The following TPP2 variants were observed in gnomAD, a reference collection of about 807,000 sequenced individuals.
The protein encoded by TPP2 is tripeptidyl peptidase 2, also known as tripeptidyl-peptidase 2.
Under a neutral mutation model 155.9 loss-of-function variants are expected in TPP2, and 34 were observed. The ratio of observed to expected loss-of-function variants is 0.22; its 90% CI spans 0.17 to 0.29. TPP2 has a LOEUF of 0.29. Ranked by LOEUF, TPP2 falls within the 10% of genes least tolerant of loss-of-function variation. TPP2 has a pLI of 1.00. For synonymous variants in TPP2, 510 were observed against 529.4 expected, an observed-to-expected ratio of 0.96 and a Z score of 0.50; for missense variants, 1,028 against 1,522.3, an observed-to-expected ratio of 0.68 and a Z score of 5.40.
At chr13:102,651,421 A>C (rs1184470685) in intron 24 of TPP2, 24 bp downstream of exon 24, 2 of 1,563,920 alleles carry the variant, frequency 1.3e-6, no homozygotes, top group South Asian at 2.4e-5. Context: ...GTTCTTAAAA[A>C]AGATGTCTTA....
intron 3 of TPP2, 143 bp from the exon 4 acceptor site, chr13:102,616,253 G>T: frequency 1.7e-6 from 1 of 575,432 alleles, no homozygotes; most frequent in Middle Eastern, 4.8e-4. Flanking sequence ...CACCACACCC[G>T]GCCAAAAATG....
At chr13:102,619,290 T>C (rs1880977596) in intron 5 of TPP2, among the ~76,000 whole-genome samples, 1 of 152,118 alleles carries the variant, frequency 6.6e-6, no homozygotes, top group Non-Finnish European at 1.5e-5. Context: ...ATCATGTACG[T>C]TTTTTAGTTT....
Position 102,657,053 on chromosome 13 carries a change from T to C in TPP2, c.2992-3T>C, listed in dbSNP as rs1883905247. On this transcript the variant is annotated splice_region_variant and splice_polypyrimidine_tract_variant and intron_variant, in intron 24 of 29. Coordinates refer to ENST00000376052, the MANE Select transcript of TPP2 (RefSeq NM_001330588.2). ...ATCTAAGAATCTCTCTCCACATTCG[T>C]AGGATGTAATCCCTGTTCATTACTA... 2.5e-6 allele frequency: 4 copies of C among 1,582,976 alleles called. No individual in the cohort carries two copies. The highest frequency in any genetic ancestry group is 3.4e-6 in the Non-Finnish European group (4 of 1,170,898).
intron 2 of TPP2, 26 bp downstream of exon 2, chr13:102,604,947 A>ATT: frequency 1.1e-5 from 14 of 1,329,852 alleles, no homozygotes; most frequent in Admixed American, 2.1e-5. Flanking sequence ...TTCTTTTTGA[A>ATT]TTTTTTTTTT....
At chr13:102,600,341 G>T (rs1319721083) in intron 1 of TPP2, among the ~76,000 whole-genome samples, 2 of 152,104 alleles carry the variant, frequency 1.3e-5, no homozygotes, top group African/African-American at 4.8e-5. Flanking sequence ...ATCCAGTCGG[G>T]TCTTGACACC....
chr13:102,675,747 T>C (rs904276552), intron 28 of TPP2, among the ~76,000 whole-genome samples: 7 of 152,194 alleles, frequency 4.6e-5, no homozygotes, highest in African/African-American at 1.2e-4. Flanking sequence ...ATGGCAACAA[T>C]TGTTAAATAC....
chr13:102,607,329 T>G (rs769844810), intron 2 of TPP2, among the ~76,000 whole-genome samples: 2 of 152,148 alleles, frequency 1.3e-5, no homozygotes, highest in Non-Finnish European at 2.9e-5. Context: ...TGCTCCAAAA[T>G]CCAGAACTTT....
intron 24 of TPP2, among the ~76,000 whole-genome samples, chr13:102,656,519 C>A (rs755083255): frequency 3.9e-5 from 6 of 152,202 alleles, no homozygotes; most frequent in Non-Finnish European, 8.8e-5. Flanking sequence ...GTCATTCTAT[C>A]CTTTTCTGTT....
intron 3 of TPP2, among the ~76,000 whole-genome samples, chr13:102,614,562 C>A (rs143364416): frequency 6.6e-6 from 1 of 152,136 alleles, no homozygotes; most frequent in Admixed American, 6.5e-5. Context: ...ACCACCTTTT[C>A]GTTTCTGTTC....
intron 27 of TPP2, among the ~76,000 whole-genome samples, chr13:102,667,383 A>C (rs1310888255): frequency 6.6e-6 from 1 of 152,208 alleles, no homozygotes; most frequent in Non-Finnish European, 1.5e-5. Flanking sequence ...ACTTCATGTA[A>C]GGCATCACTG....
intron 25 of TPP2, among the ~76,000 whole-genome samples, chr13:102,662,357 C>G (rs1177440260): frequency 1.3e-5 from 2 of 152,052 alleles, no homozygotes; most frequent in Non-Finnish European, 2.9e-5. Flanking sequence ...ATATCTGTTA[C>G]TATGCTAGAA....
chr13:102,644,469 CAG>C, intron 17 of TPP2, 86 bp from the exon 18 acceptor site: 2 of 1,159,028 alleles, frequency 1.7e-6, no homozygotes, highest in East Asian at 5.3e-5. Flanking sequence ...AGTTTGAAAA[CAG>C]AATTGCTCTG....
intron 24 of TPP2, among the ~76,000 whole-genome samples, chr13:102,654,763 A>T (rs1277967106): frequency 6.6e-6 from 1 of 152,222 alleles, no homozygotes; most frequent in Non-Finnish European, 1.5e-5. Flanking sequence ...ATTGGAGGCC[A>T]CTTAGCCCCT....
chr13:102,648,944 G>A lies in TPP2; in HGVS notation c.2666G>A (p.Arg889Gln). 1.9e-6 allele frequency: 3 copies of A among 1,609,628 alleles called. No individual in the cohort carries two copies. Among genetic ancestry groups the A allele is most frequent in the Non-Finnish European group, 2.5e-6 (3 of 1,178,902 alleles). Residue 889 changes from arginine to glutamine, a missense_variant, in exon 22 of 30, where the codon CGA (arginine) becomes CAA (glutamine). Around this residue, in one of 7 missense-constraint regions of TPP2, gnomAD observed 179 missense variants for 274.7 expected, o/e 0.65. Transcript: ENST00000376052. ...CTGGAGAAAGGAGATTATACAATTC[G>A]ACTACAGATTCGCCATGAGCAAATC... ...LKLEKGDYTI[R>Q]LQIRHEQISD...
chr13:102,676,922 GT>G (rs1159476778), intron 29 of TPP2, among the ~76,000 whole-genome samples: 1 of 152,194 alleles, frequency 6.6e-6, no homozygotes, highest in Non-Finnish European at 1.5e-5. Flanking sequence ...TTCTACAGAA[GT>G]TACTTTAGTC....
At chr13:102,674,221 TAAG>T in intron 27 of TPP2, 59 bp from the exon 28 acceptor site, 2 of 1,510,002 alleles carry the variant, frequency 1.3e-6, no homozygotes, top group Non-Finnish European at 1.8e-6. Context: ...TAAATTCAGA[TAAG>T]AATTTACTTT....
chr13:102,660,231 T>C (rs917791556), intron 25 of TPP2, among the ~76,000 whole-genome samples: 1 of 151,996 alleles, frequency 6.6e-6, no homozygotes, highest in South Asian at 2.1e-4. Flanking sequence ...TAAATAAATT[T>C]AAATGTTCAT....
At chr13:102,655,845 TTTC>T (rs1000006819) in intron 24 of TPP2, among the ~76,000 whole-genome samples, 2 of 152,060 alleles carry the variant, frequency 1.3e-5, no homozygotes, top group African/African-American at 4.8e-5. Context: ...TCATTTTCTC[TTTC>T]TTCTTGGTGG....
In TPP2 at chr13:102,661,964, A is replaced by G. The variant is rs562377733; in HGVS notation, c.3144-1684A>G. On this transcript the variant is annotated intron_variant, in intron 25 of 29. Transcript: ENST00000376052. ...AATAAAAACCTATATTCACACAAAA[A>G]CATGTTGATGACAGTTTATAGCAGC... Among the ~76,000 whole-genome samples the G allele has an allele frequency of 3.9e-5, 6 of 152,334 alleles. No homozygotes were observed. The South Asian group carries it at 1.2e-3, about 32-fold the overall frequency.
Sources: allele counts gnomAD v4.1 joint callset (sites outside exome capture counted in the v4.1 genomes callset), GRCh38; gene constraint gnomAD v4.1.1; regional missense constraint gnomAD v4.1.1; transcripts MANE v1.5; gene names NCBI Gene and HGNC (gene_info 2026-07-23, HGNC 2026-07-21).